The following GNG7 variants were observed in gnomAD, a reference collection of about 807,000 sequenced individuals.
GNG7 encodes the protein guanine nucleotide-binding protein G(I)/G(S)/G(O) subunit gamma-7.
A neutral mutation model predicts 4.0 loss-of-function variants in GNG7; 1 was observed. The observed-to-expected ratio is 0.25, with a 90% CI of 0.09 to 1.18. The LOEUF (loss-of-function observed/expected upper bound fraction) is 1.18. Among genes scored for constraint, GNG7 ranks in the 50% most tolerant of loss-of-function variants. GNG7 has a pLI of 0.50. For synonymous variants in GNG7, 34 were observed against 36.9 expected (o/e 0.92, Z 0.29); for missense variants, 86 against 91.9 (o/e 0.94, Z 0.26).
intron 2 of GNG7, among the ~76,000 whole-genome samples, chr19:2,556,877 C>T: frequency 6.6e-6 from 1 of 152,230 alleles, no homozygotes; most frequent in Admixed American, 6.5e-5. Context: ...GCCAGGAGCA[C>T]CCCCCAGATG....
At chr19:2,656,363 G>A (rs988852971) in intron 1 of GNG7, among the ~76,000 whole-genome samples, 1 of 152,216 alleles carries the variant, frequency 6.6e-6, no homozygotes, top group African/African-American at 2.4e-5. Context: ...CAGCACTTTG[G>A]GAGGCCAAGG....
intron 2 of GNG7, among the ~76,000 whole-genome samples, chr19:2,563,225 G>A (rs1979801077): frequency 6.6e-6 from 1 of 152,064 alleles, no homozygotes. Context: ...TGGGATTACA[G>A]GTGTGAGCCA....
At chr19:2,647,092 G>A (rs62119808) in intron 1 of GNG7, among the ~76,000 whole-genome samples, 29,981 of 152,204 alleles carry the variant, frequency 0.2, 3,439 homozygotes, top group East Asian at 0.5. Flanking sequence ...TCCCCACCTC[G>A]GGGGACTCGG....
intron 2 of GNG7, among the ~76,000 whole-genome samples, chr19:2,597,694 A>C (rs1192851144): frequency 6.6e-6 from 1 of 151,434 alleles, no homozygotes; most frequent in African/African-American, 2.4e-5. Context: ...CAGCAGATCG[A>C]GACCATCCTG....
intron 1 of GNG7, among the ~76,000 whole-genome samples, chr19:2,660,871 G>A (rs545430038): frequency 6.6e-6 from 1 of 152,282 alleles, no homozygotes; most frequent in South Asian, 2.1e-4. Context: ...CTGCCATGTT[G>A]TGGGGAAATG....
intron 1 of GNG7, among the ~76,000 whole-genome samples, chr19:2,696,560 G>C (rs192403085): frequency 1.3e-5 from 2 of 152,186 alleles, no homozygotes; most frequent in African/African-American, 4.8e-5. Flanking sequence ...AAAAGCGGCC[G>C]AGCGTGTGTT....
chr19:2,529,209 T>C (rs1978508115), intron 3 of GNG7, among the ~76,000 whole-genome samples: 1 of 151,746 alleles, frequency 6.6e-6, no homozygotes, highest in Non-Finnish European at 1.5e-5. Flanking sequence ...GTTGGTGGGT[T>C]TTTTTGTTTG....
intron 2 of GNG7, among the ~76,000 whole-genome samples, chr19:2,567,002 G>A (rs931236225): frequency 2.6e-5 from 4 of 152,130 alleles, no homozygotes; most frequent in Admixed American, 6.5e-5. Flanking sequence ...CTACTCGAGA[G>A]GCTGAGGCAG....
chr19:2,565,974 A>G (rs1213879072), intron 2 of GNG7, among the ~76,000 whole-genome samples: 1 of 152,110 alleles, frequency 6.6e-6, no homozygotes, highest in South Asian at 2.1e-4. Context: ...CCTGGCCAAC[A>G]TGGTGAAACC....
At chr19:2,540,381 G>A (rs972714149) in intron 3 of GNG7, among the ~76,000 whole-genome samples, 1 of 151,876 alleles carries the variant, frequency 6.6e-6, no homozygotes, top group Non-Finnish European at 1.5e-5. Context: ...TGATCTCCTG[G>A]CCTCCGGTGA....
chr19:2,641,782 C>T lies in GNG7; in HGVS notation c.-78+4442G>A, dbSNP rs538066651. 3 of 152,176 alleles carry T rather than the reference C, an allele frequency of 2.0e-5. No homozygotes were observed. The East Asian group carries it at 5.8e-4, about 29-fold the overall frequency. 9.4% of individuals were successfully genotyped at this position (152,176 alleles called of 1,614,324 possible). On this transcript the variant is annotated intron_variant, in intron 2 of 4. Transcript: ENST00000382159. ...GCTCAAGCGATTTTCCTGCCTCAGC[C>T]TCCTGAGTGGCTGGGACTACAGATG...
intron 1 of GNG7, among the ~76,000 whole-genome samples, chr19:2,650,844 C>G (rs1187176742): frequency 1.3e-5 from 2 of 152,208 alleles, no homozygotes; most frequent in African/African-American, 4.8e-5. Flanking sequence ...GCAGTGGAGA[C>G]AAGGAGGAGA....
intron 3 of GNG7, among the ~76,000 whole-genome samples, chr19:2,540,082 CT>C (rs1978908707): frequency 7.6e-6 from 1 of 132,078 alleles, no homozygotes; most frequent in Non-Finnish European, 1.6e-5. Flanking sequence ...CCCTCTCTCT[CT>C]CTCTCTGTTT....
chr19:2,608,484 A>G (rs1321525541), intron 2 of GNG7, among the ~76,000 whole-genome samples: 1 of 152,194 alleles, frequency 6.6e-6, no homozygotes, highest in Non-Finnish European at 1.5e-5. Flanking sequence ...GACGCAGGTC[A>G]GTAATCCAGG....
chr19:2,543,478 G>A (rs11881511), intron 3 of GNG7, among the ~76,000 whole-genome samples: 70,588 of 151,762 alleles, frequency 0.47, 16,632 homozygotes, highest in African/African-American at 0.52. Flanking sequence ...CTCTGCTTCG[G>A]CCTCCCAAAG....
chr19:2,651,176 G>A (rs1390696312), intron 1 of GNG7, among the ~76,000 whole-genome samples: 1 of 152,030 alleles, frequency 6.6e-6, no homozygotes, highest in African/African-American at 2.4e-5. Context: ...ACCGCCTCCC[G>A]GCCCTCCCCA....
At chr19:2,595,627 C>G (rs1010389673) in intron 2 of GNG7, among the ~76,000 whole-genome samples, 3 of 149,586 alleles carry the variant, frequency 2.0e-5, no homozygotes, top group Non-Finnish European at 1.5e-5. Flanking sequence ...CCCAGCTACT[C>G]GGGAGGCTGA....
intron 2 of GNG7, among the ~76,000 whole-genome samples, chr19:2,622,918 G>C (rs1402157815): frequency 1.3e-5 from 2 of 152,228 alleles, no homozygotes; most frequent in African/African-American, 4.8e-5. Context: ...TACCACTAGA[G>C]CTCTGACACC....
chr19:2,535,512 A>G (rs1414147558), intron 3 of GNG7, among the ~76,000 whole-genome samples: 1 of 151,826 alleles, frequency 6.6e-6, no homozygotes, highest in Non-Finnish European at 1.5e-5. Context: ...AAAAAAAAAA[A>G]AAGATCTGAA....
Sources: gnomAD v4.1 joint callset for allele counts (sites outside exome capture counted in the v4.1 genomes callset) on GRCh38, gnomAD v4.1.1 for gene constraint, MANE v1.5 for transcripts, NCBI Gene and HGNC (gene_info 2026-07-23, HGNC 2026-07-21) for gene names.